VPS35: variants seen among roughly 807,000 people sequenced by gnomAD.
VPS35 encodes the protein vacuolar protein sorting-associated protein 35.
Under a neutral mutation model 98.1 loss-of-function variants are expected in VPS35, and 21 were observed. That is an observed-to-expected ratio of 0.21 (90% CI 0.15 to 0.31). VPS35 has a LOEUF of 0.31. Ranked by LOEUF, VPS35 falls within the 10% of genes least tolerant of loss-of-function variation. The probability of loss-of-function intolerance (pLI) is 1.00; values close to 1 mark genes in which losing one functional copy is unlikely to be tolerated. For missense variants in VPS35, 554 were observed against 950.8 expected (o/e 0.58, Z 5.49); for synonymous variants, 268 against 318.2 (o/e 0.84, Z 1.68).
At chr16:46,669,086 C>A in intron 12 of VPS35, 34 bp from the exon 13 acceptor site, 4 of 1,613,438 alleles carry the variant, frequency 2.5e-6, no homozygotes, top group Non-Finnish European at 3.4e-6. Context: ...AAAAAATTTC[C>A]AAACTCTGAT....
chr16:46,683,344 T>C (rs1596725286), intron 2 of VPS35, 164 bp downstream of exon 2: 1 of 688,454 alleles, frequency 1.5e-6, no homozygotes, highest in Non-Finnish European at 2.6e-6. Context: ...GGGCTCTTTG[T>C]TGAAATTGCT....
rs557999797 is a variant in VPS35 at position 46,689,023 on chromosome 16, G to T, written c.3+108C>A. The T allele has an allele frequency of 4.3e-4, 677 of 1,556,924 alleles. 13 individuals carry two copies. The South Asian group carries it at 7.5e-3, about 17-fold the overall frequency. On this transcript the variant is annotated intron_variant, in intron 1 of 16. Transcript: ENST00000299138. ...GCCAAATCGGGCTGGTCTTAATCCC[G>T]AACGGTCTGTGGGGCCCCTTCTCCA...
chr16:46,677,447 T>G (rs1296235354), intron 6 of VPS35, 49 bp from the exon 7 acceptor site: 1 of 1,502,340 alleles, frequency 6.7e-7, no homozygotes, highest in Non-Finnish European at 9.3e-7. Context: ...TTTCAAAATC[T>G]TAAGCTATTC....
Position 46,661,876 on chromosome 16 carries a change from C to A in VPS35, c.2068-15G>T. On this transcript the variant is annotated splice_polypyrimidine_tract_variant and intron_variant, in intron 15 of 16. Transcript: ENST00000299138. This position sits in a 1 kb window ranked among gnomAD's most constrained non-coding sequence, Gnocchi z 4.3. ...CCTCCGTGAAGCTAAAATAAAAGGG[C>A]AGGGGGACAGTGAAGAGATTAATGA... 1 of 1,613,862 alleles carries A rather than the reference C, an allele frequency of 6.2e-7. No homozygotes were observed.
At chr16:46,682,730 G>A (rs1243380857) in intron 2 of VPS35, 1 of 153,970 alleles carries the variant, frequency 6.5e-6, no homozygotes, top group African/African-American at 2.4e-5. Flanking sequence ...AGCAAACCCA[G>A]CTTCTCCATT....
rs34738934 is a variant in VPS35 at position 46,676,957 on chromosome 16, T to C, written c.805-265A>G. ...ACATTTTGGAGGAAAACAAACCACA[T>C]TGATACAAAGACCAAGGTATAAGTT... On this transcript the variant is annotated intron_variant, in intron 7 of 16. Transcript: ENST00000299138. 0.33 allele frequency among the ~76,000 whole-genome samples: 50,794 copies of C among 151,976 alleles called. 10,756 individuals are homozygous for C. The highest frequency in any genetic ancestry group is 0.48 in the Non-Finnish European group (32,430 of 67,938).
chr16:46,689,044 C>T (rs1237148742), intron 1 of VPS35, 87 bp downstream of exon 1: 1 of 1,570,822 alleles, frequency 6.4e-7, no homozygotes, highest in South Asian at 1.2e-5. Context: ...GGGGCCCCTT[C>T]TCCACTCGCT....
chr16:46,668,722 A>T (rs1426993240), intron 13 of VPS35, among the ~76,000 whole-genome samples: 1 of 152,194 alleles, frequency 6.6e-6, no homozygotes, highest in African/African-American at 2.4e-5. Context: ...TTTTTACGTG[A>T]TCCCTCAGTA....
intron 12 of VPS35, among the ~76,000 whole-genome samples, chr16:46,669,524 G>T (rs965299614): frequency 6.6e-6 from 1 of 151,956 alleles, no homozygotes; most frequent in Non-Finnish European, 1.5e-5. Flanking sequence ...AAAATTAGCT[G>T]GGCATGGTGG....
intron 10 of VPS35, 59 bp downstream of exon 10, chr16:46,674,255 A>G (rs1966109322): frequency 6.3e-7 from 1 of 1,590,710 alleles, no homozygotes; most frequent in Non-Finnish European, 8.6e-7. Flanking sequence ...TTGAGAAAGA[A>G]AAGCAAATCT....
At position 46,661,432 on chromosome 16, in the gene VPS35, G is replaced by A; in HGVS notation, c.2211+286C>T. On this transcript the variant is annotated intron_variant, in intron 16 of 16. Coordinates refer to ENST00000299138, the MANE Select transcript of VPS35 (RefSeq NM_018206.6). This position sits in a 1 kb window ranked among gnomAD's most constrained non-coding sequence, Gnocchi z 4.3. ...TTTAGTAGAGATGGGGTTTCACAATGTTGGCCAGGCTGGTTTCAAACTCCT... is the reference window on the plus strand; with the variant it reads ...TTTAGTAGAGATGGGGTTTCACAATATTGGCCAGGCTGGTTTCAAACTCCT... 3.1e-6 allele frequency: 1 copy of A among 323,314 alleles called. No homozygotes were observed. The highest frequency in any genetic ancestry group is 2.2e-5 in the African/African-American group (1 of 46,090). The allele number at this position is 323,314 out of a possible 1,614,324, so 20.0% of individuals were successfully genotyped here.
At chr16:46,672,738 A>G (rs1966087418) in intron 10 of VPS35, among the ~76,000 whole-genome samples, 1 of 152,228 alleles carries the variant, frequency 6.6e-6, no homozygotes, top group Non-Finnish European at 1.5e-5. Flanking sequence ...GTATAGCTGG[A>G]GTTAAGATGA....
intron 1 of VPS35, 164 bp downstream of exon 1, chr16:46,688,967 G>A: frequency 1.3e-6 from 2 of 1,509,426 alleles, no homozygotes; most frequent in South Asian, 2.4e-5. Context: ...GCCTGCCCGC[G>A]GCCTTCCTCC....
At chr16:46,681,165 G>T (rs1966228468) in intron 4 of VPS35, among the ~76,000 whole-genome samples, 1 of 151,582 alleles carries the variant, frequency 6.6e-6, no homozygotes, top group Non-Finnish European at 1.5e-5. Flanking sequence ...TAGCAAGCAT[G>T]TCCATTTTTT....
Position 46,661,950 on chromosome 16 carries a change from G to C in VPS35, c.2068-89C>G, listed in dbSNP as rs1022007255. ...AACACAACACTACCGTGGCTCTTTC[G>C]TGTTTTAAAGGGACATAACAAATTT... On this transcript the variant is annotated intron_variant, in intron 15 of 16. Coordinates refer to ENST00000299138, the MANE Select transcript of VPS35 (RefSeq NM_018206.6). The surrounding 1 kb of genome is among the most constrained non-coding windows in gnomAD (Gnocchi z 4.3). 6.5e-7 allele frequency: 1 copy of C among 1,547,912 alleles called. No individual in the cohort carries two copies. Among genetic ancestry groups the C allele is most frequent in the African/African-American group, 1.4e-5 (1 of 73,254 alleles).
rs368227261 is a variant in VPS35 at position 46,676,714 on chromosome 16, C to A, written c.805-22G>T. The A allele has an allele frequency of 2.2e-5, 33 of 1,510,060 alleles. No homozygotes were observed. In the African/African-American group the frequency reaches 4.3e-4, roughly 19 times the overall value. The allele number at this position is 1,510,060 out of a possible 1,614,324, so 93.5% of individuals were successfully genotyped here. Reference sequence around the variant, plus strand: ...AAACCTGAAAATCAAATGATCAATACAAATAAAAGTATTTCACGTAATATT... The same window carrying A: ...AAACCTGAAAATCAAATGATCAATAAAAATAAAAGTATTTCACGTAATATT... On this transcript the variant is annotated intron_variant, in intron 7 of 16. Transcript: ENST00000299138.
chr16:46,667,568 T>C (rs1490077843), intron 13 of VPS35, among the ~76,000 whole-genome samples: 1 of 152,226 alleles, frequency 6.6e-6, no homozygotes, highest in Admixed American at 6.5e-5. Flanking sequence ...ATTTTTGCTT[T>C]AGTTGCATAG....
At chr16:46,681,346 C>T (rs2143008782) in intron 4 of VPS35, 31 bp downstream of exon 4, 2 of 1,612,936 alleles carry the variant, frequency 1.2e-6, no homozygotes, top group East Asian at 4.5e-5. Context: ...GAAATACAGA[C>T]ACAAAAGTTC....
chr16:46,662,447 G>A lies in VPS35; in HGVS notation c.1863C>T (p.Ser621=). The change falls in exon 15 of 17, where the codon TCC becomes TCT. Residue 621 remains serine (S), a synonymous_variant. Coordinates refer to ENST00000299138, the MANE Select transcript of VPS35 (RefSeq NM_018206.6). ...AGGTGATGGCAGCTAGCTGTGCTTT[G>A]GAATCGCTGATTTCATCTTCATACA... is the stretch of plus-strand genomic sequence containing the variant. ...FSLYEDEISD[S]KAQLAAITLI... The A allele has an allele frequency of 6.2e-7, 1 of 1,614,106 alleles. No homozygotes were observed. The highest frequency in any genetic ancestry group is 8.5e-7 in the Non-Finnish European group (1 of 1,180,030).
Sources: allele counts gnomAD v4.1 joint callset (sites outside exome capture counted in the v4.1 genomes callset), GRCh38; gene constraint gnomAD v4.1.1; non-coding constraint Gnocchi (gnomAD v3.1); transcripts MANE v1.5; gene names NCBI Gene and HGNC (gene_info 2026-07-23, HGNC 2026-07-21).